The following DISP1 variants were observed in gnomAD, a reference collection of about 807,000 sequenced individuals.
The protein encoded by DISP1 is protein dispatched homolog 1.
A neutral mutation model predicts 37.3 loss-of-function variants in DISP1; 30 were observed. That is an observed-to-expected ratio of 0.80 (90% CI 0.60 to 1.09). The LOEUF is 1.09. DISP1 is among the 50% of genes least tolerant of loss of function. DISP1 has a pLI of 0.00. For missense variants in DISP1, 1,598 were observed against 1,879.5 expected (o/e 0.85, Z 2.77); for synonymous variants, 634 against 690.2 (o/e 0.92, Z 1.28).
intron 1 of DISP1, among the ~76,000 whole-genome samples, chr1:222,927,151 C>T (rs1489271338): frequency 6.6e-6 from 1 of 151,450 alleles, no homozygotes; most frequent in East Asian, 1.9e-4. Context: ...GTTACATTCC[C>T]GCTAGCAGTG....
At chr1:222,844,798 T>C (rs146293140) in intron 1 of DISP1, among the ~76,000 whole-genome samples, 2,133 of 152,238 alleles carry the variant, frequency 0.014, 18 homozygotes, top group Non-Finnish European at 0.021. Flanking sequence ...TTGATAATTG[T>C]ATTTCTGTGT....
intron 3 of DISP1, among the ~76,000 whole-genome samples, chr1:222,953,300 T>C (rs1675361778): frequency 6.6e-6 from 1 of 152,216 alleles, no homozygotes; most frequent in African/African-American, 2.4e-5. Context: ...TTCACTTTTC[T>C]TTTAAGTTTT....
intron 1 of DISP1, among the ~76,000 whole-genome samples, chr1:222,903,561 C>A (rs1671733739): frequency 6.6e-6 from 1 of 151,854 alleles, no homozygotes; most frequent in Non-Finnish European, 1.5e-5. Context: ...CTTGGGATAT[C>A]TGTTTTAATG....
At chr1:222,937,916 C>A (rs1252669786) in intron 2 of DISP1, among the ~76,000 whole-genome samples, 1 of 151,778 alleles carries the variant, frequency 6.6e-6, no homozygotes, top group Non-Finnish European at 1.5e-5. Flanking sequence ...TTCTACCACC[C>A]AGGCTGGAAT....
chr1:222,916,999 C>T (rs1457962437), intron 1 of DISP1, among the ~76,000 whole-genome samples: 4 of 151,752 alleles, frequency 2.6e-5, no homozygotes, highest in East Asian at 1.9e-4. Flanking sequence ...ACGCCCCAAG[C>T]GCAGTGTTTC....
chr1:222,936,905 T>TC (rs1354846001), intron 2 of DISP1, among the ~76,000 whole-genome samples: 1 of 77,442 alleles, frequency 1.3e-5, no homozygotes, highest in East Asian at 2.8e-4. Context: ...TATTTATATA[T>TC]AATATATTAT....
chr1:222,987,423 G>A (rs954948056), intron 4 of DISP1, among the ~76,000 whole-genome samples: 2 of 152,206 alleles, frequency 1.3e-5, no homozygotes, highest in Non-Finnish European at 2.9e-5. Flanking sequence ...GTTAGCGTGG[G>A]AAACATCGGC....
chr1:222,867,992 G>C (rs781489167), intron 1 of DISP1, among the ~76,000 whole-genome samples: 22 of 152,160 alleles, frequency 1.4e-4, no homozygotes, highest in Non-Finnish European at 2.6e-4. Context: ...CAAACACTTG[G>C]AAAGGGTCTG....
chr1:222,819,417 A>G (rs1422994994), intron 1 of DISP1, among the ~76,000 whole-genome samples: 1 of 152,038 alleles, frequency 6.6e-6, no homozygotes, highest in Non-Finnish European at 1.5e-5. Context: ...CTGGGTTTTC[A>G]TTATGTCAAA....
intron 1 of DISP1, chr1:222,837,047 A>G: frequency 2.5e-6 from 1 of 398,580 alleles, no homozygotes; most frequent in Non-Finnish European, 4.4e-6. Context: ...TGACTACACA[A>G]GTGCAACTGT....
intron 2 of DISP1, among the ~76,000 whole-genome samples, chr1:222,936,643 A>G (rs12143000): frequency 0.61 from 60,706 of 99,864 alleles, 17,394 homozygotes; most frequent in South Asian, 0.76. Context: ...TATATATGAG[A>G]TATATATATC....
At chr1:222,931,499 A>G (rs1193599859) in intron 2 of DISP1, among the ~76,000 whole-genome samples, 1 of 151,912 alleles carries the variant, frequency 6.6e-6, no homozygotes, top group Non-Finnish European at 1.5e-5. Context: ...TTGAGACAAA[A>G]TAGTTTCAAA....
intron 2 of DISP1, among the ~76,000 whole-genome samples, chr1:222,936,928 ATG>A (rs1673932650): frequency 1.5e-5 from 1 of 66,644 alleles, no homozygotes; most frequent in African/African-American, 5.2e-5. Context: ...ATTATATAAT[ATG>A]TAATATATAT....
chr1:222,997,023 C>CCTCTCT (rs1202076194), intron 8 of DISP1, among the ~76,000 whole-genome samples: 3 of 150,124 alleles, frequency 2.0e-5, no homozygotes, highest in African/African-American at 5.0e-5. Flanking sequence ...TCTCATCTCT[C>CCTCTCT]CTCTCTCTCT....
At position 223,005,895 on chromosome 1, in the gene DISP1, A is replaced by C; in HGVS notation, c.4498A>C (p.Asn1500His). ...CAATTCTGTGGACTGTCAAATGCCA[A>C]ACATGGAAGCCAATGTGCCTGCTGT... ...KCNSVDCQMP[N>H]MEANVPAVLT... is the part of the protein sequence containing the mutation. The change falls in exon 9 of 9, where the codon AAC becomes CAC. Residue 1500 changes from asparagine to histidine, a missense_variant. Transcript: ENST00000675850. 1 of 1,614,222 alleles carries C rather than the reference A, an allele frequency of 6.2e-7. No individual in the cohort carries two copies. Among genetic ancestry groups the C allele is most frequent in the Non-Finnish European group, 8.5e-7 (1 of 1,180,052 alleles).
chr1:222,881,612 C>T (rs1670285657), intron 1 of DISP1, among the ~76,000 whole-genome samples: 1 of 152,160 alleles, frequency 6.6e-6, no homozygotes, highest in African/African-American at 2.4e-5. Flanking sequence ...GTTCTCTTTA[C>T]ATTGTGAGGT....
chr1:222,996,263 G>T (rs1399433601), intron 8 of DISP1, among the ~76,000 whole-genome samples: 5 of 152,130 alleles, frequency 3.3e-5, no homozygotes, highest in African/African-American at 1.2e-4. Context: ...CATGCATTAG[G>T]ATACTTCTTA....
At chr1:222,984,021 T>C (rs1052435479) in intron 4 of DISP1, among the ~76,000 whole-genome samples, 3 of 152,194 alleles carry the variant, frequency 2.0e-5, no homozygotes, top group African/African-American at 4.8e-5. Flanking sequence ...AAGGGAGTTA[T>C]CCTGTCTTTG....
chr1:222,843,779 A>G (rs1667741228), intron 1 of DISP1, among the ~76,000 whole-genome samples: 1 of 152,172 alleles, frequency 6.6e-6, no homozygotes, highest in South Asian at 2.1e-4. Flanking sequence ...GAAGAGAAAG[A>G]TGAAATTGTA....
Sources: gnomAD v4.1 joint callset for allele counts (sites outside exome capture counted in the v4.1 genomes callset) on GRCh38, gnomAD v4.1.1 for gene constraint, MANE v1.5 for transcripts, NCBI Gene and HGNC (gene_info 2026-07-23, HGNC 2026-07-21) for gene names.